RARB: variants seen among roughly 807,000 people sequenced by gnomAD.
The protein encoded by RARB is HBV-activated protein.
A neutral mutation model predicts 51.9 loss-of-function variants in RARB; 17 were observed. The ratio of observed to expected loss-of-function variants is 0.33; its 90% CI spans 0.22 to 0.49. RARB has a LOEUF of 0.49. Ranked by LOEUF, RARB falls within the 20% of genes least tolerant of loss-of-function variation. The pLI is 0.99. For missense variants in RARB, 369 were observed against 550.8 expected, an observed-to-expected ratio of 0.67 and a Z score of 3.30; for synonymous variants, 215 against 195.4, an observed-to-expected ratio of 1.10 and a Z score of -0.84.
rs116268376 is a variant in RARB, at chr3:25,458,772, A to G, written c.158-2421A>G. Among the ~76,000 whole-genome samples the G allele has an allele frequency of 7.8e-3, 1,190 of 152,338 alleles. 8 individuals are homozygous for G. The highest frequency in any genetic ancestry group is 0.027 in the African/African-American group (1,103 of 41,570). On this transcript the variant is annotated intron_variant, in intron 1 of 7. Transcript: ENST00000330688. ...ATTCATTCCAAGATTCTTCTGAATT[A>G]TGAAAATACTATAATTATAGTTGAT...
chr3:25,525,487 C>T (rs1009795592), intron 3 of RARB, among the ~76,000 whole-genome samples: 6 of 152,214 alleles, frequency 3.9e-5, no homozygotes, highest in African/African-American at 9.6e-5. Flanking sequence ...AACATAGCTT[C>T]GGGCTCATGC....
chr3:24,964,449 T>A (rs193184881), intron 2 of RARB, among the ~76,000 whole-genome samples: 2 of 152,200 alleles, frequency 1.3e-5, no homozygotes, highest in Non-Finnish European at 2.9e-5. Context: ...TTTCAAGACC[T>A]GGTTGCCTAA....
At chr3:25,455,776 C>A (rs1694876626) in intron 1 of RARB, among the ~76,000 whole-genome samples, 1 of 152,178 alleles carries the variant, frequency 6.6e-6, no homozygotes, top group Non-Finnish European at 1.5e-5. Context: ...AGCAGGGAAG[C>A]CCATCTGGTT....
chr3:25,337,950 A>G (rs1705112054), intron 5 of RARB, among the ~76,000 whole-genome samples: 1 of 152,130 alleles, frequency 6.6e-6, no homozygotes, highest in African/African-American at 2.4e-5. Flanking sequence ...CAGAATAATC[A>G]AAAGCGTAGG....
intron 2 of RARB, among the ~76,000 whole-genome samples, chr3:24,942,279 T>C (rs566219225): frequency 4.6e-5 from 7 of 152,198 alleles, no homozygotes; most frequent in South Asian, 4.1e-4. Context: ...TCTGTAGCTG[T>C]GCTCATAATT....
At chr3:25,128,141 C>T (rs1699890875) in intron 3 of RARB, among the ~76,000 whole-genome samples, 1 of 152,004 alleles carries the variant, frequency 6.6e-6, no homozygotes. Flanking sequence ...GGGGTTCTAA[C>T]CTGCTGACCA....
At chr3:25,564,812 G>A (rs1049082456) in intron 3 of RARB, among the ~76,000 whole-genome samples, 8 of 152,020 alleles carry the variant, frequency 5.3e-5, no homozygotes, top group Non-Finnish European at 4.4e-5. Flanking sequence ...GAGGTGCACC[G>A]TACCTGAAAG....
chr3:24,858,435 G>C (rs756241287), intron 1 of RARB, among the ~76,000 whole-genome samples: 14 of 152,138 alleles, frequency 9.2e-5, no homozygotes, highest in Non-Finnish European at 1.6e-4. Flanking sequence ...AACCAAGATG[G>C]CTGTACCCTA....
chr3:25,068,468 G>C (rs952218030), intron 3 of RARB, among the ~76,000 whole-genome samples: 1 of 152,118 alleles, frequency 6.6e-6, no homozygotes, highest in African/African-American at 2.4e-5. Context: ...AAAAAGGGGG[G>C]TAATATTGAG....
At chr3:25,442,129 T>C (rs913343766) in intron 1 of RARB, among the ~76,000 whole-genome samples, 28 of 150,936 alleles carry the variant, frequency 1.9e-4, no homozygotes, top group Admixed American at 1.5e-3. Flanking sequence ...TATTTATTTA[T>C]TTATTTATTT....
chr3:24,873,815 C>T (rs902363598), intron 2 of RARB, among the ~76,000 whole-genome samples: 11 of 151,892 alleles, frequency 7.2e-5, no homozygotes, highest in East Asian at 3.9e-4. Flanking sequence ...TTTTGACAAT[C>T]GGGTAAGGGG....
intron 3 of RARB, among the ~76,000 whole-genome samples, chr3:25,524,939 G>A (rs112775192): frequency 0.038 from 5,834 of 151,904 alleles, 142 homozygotes; most frequent in Non-Finnish European, 0.058. Flanking sequence ...ATGTTGGCCC[G>A]ACTGGTCTCA....
chr3:25,541,802 A>G (rs1297894274), intron 3 of RARB, among the ~76,000 whole-genome samples: 2 of 152,178 alleles, frequency 1.3e-5, no homozygotes, highest in Non-Finnish European at 2.9e-5. Flanking sequence ...TCTAGTCTCC[A>G]ACTGCTTTAC....
At chr3:24,937,930 C>T (rs1695579996) in intron 2 of RARB, among the ~76,000 whole-genome samples, 1 of 152,136 alleles carries the variant, frequency 6.6e-6, no homozygotes, top group Non-Finnish European at 1.5e-5. Context: ...TGAGCTAAAT[C>T]TGAGGAGACC....
rs376350388 is a variant in RARB, at chr3:25,593,196, C to T, written c.787-307C>T. On this transcript the variant is annotated intron_variant, in intron 5 of 7. Coordinates refer to ENST00000330688, the MANE Select transcript of RARB (RefSeq NM_000965.5). ...TTTTTTTTATCTCCAGCACCTGGCA[C>T]AGTGCCTGGGACATAATTAGGCACT... is the stretch of plus-strand genomic sequence containing the variant. Among the ~76,000 whole-genome samples the T allele has an allele frequency of 6.0e-4, 91 of 151,692 alleles. 1 individual carries two copies. The highest frequency in any genetic ancestry group is 2.0e-3 in the African/African-American group (84 of 41,312).
intron 3 of RARB, among the ~76,000 whole-genome samples, chr3:25,080,250 A>T (rs1417551650): frequency 1.3e-5 from 2 of 152,234 alleles, no homozygotes; most frequent in African/African-American, 4.8e-5. Flanking sequence ...ATTTTGGAGC[A>T]TGTATCAGAG....
chr3:25,270,895 A>G (rs1411315229), intron 5 of RARB, among the ~76,000 whole-genome samples: 1 of 152,228 alleles, frequency 6.6e-6, no homozygotes, highest in Non-Finnish European at 1.5e-5. Context: ...CTTTCGCCCC[A>G]ATCTAATATT....
At chr3:25,231,049 A>G (rs1702165153) in intron 5 of RARB, among the ~76,000 whole-genome samples, 2 of 152,106 alleles carry the variant, frequency 1.3e-5, no homozygotes, top group South Asian at 4.1e-4. Flanking sequence ...AAAATACAGA[A>G]TGTGCTTTGT....
intron 5 of RARB, among the ~76,000 whole-genome samples, chr3:25,355,553 T>C (rs997794425): frequency 7.9e-5 from 12 of 152,078 alleles, no homozygotes; most frequent in African/African-American, 2.9e-4. Context: ...TGACCTCTAC[T>C]ACTAACCACT....
Sources: gnomAD v4.1 joint callset for allele counts (sites outside exome capture counted in the v4.1 genomes callset) on GRCh38, gnomAD v4.1.1 for gene constraint, MANE v1.5 for transcripts, NCBI Gene and HGNC (gene_info 2026-07-23, HGNC 2026-07-21) for gene names.